CWC25: variants seen among roughly 807,000 people sequenced by gnomAD.
The protein encoded by CWC25 is pre-mRNA-splicing factor CWC25 homolog.
In CWC25, 31 loss-of-function variants were observed where a neutral mutation model predicts 54.6. The observed-to-expected ratio is 0.57, with a 90% confidence interval of 0.43 to 0.77. CWC25 has a LOEUF of 0.77. Among genes scored for constraint, CWC25 ranks in the 30% least tolerant of loss-of-function variants. The pLI, the probability that CWC25 is intolerant of heterozygous loss-of-function variation, is 0.00. For synonymous variants in CWC25, 151 were observed against 187.0 expected (o/e 0.81, Z 1.57); for missense variants, 453 against 529.3 (o/e 0.86, Z 1.41).
Position 38,814,862 on chromosome 17 carries a change from T to G in CWC25, c.427A>C (p.Arg143=). 5 of 1,609,868 alleles carry G rather than the reference T, an allele frequency of 3.1e-6. No individual in the cohort carries two copies. Among genetic ancestry groups the G allele is most frequent in the Non-Finnish European group, 8.5e-7 (1 of 1,178,242 alleles). Residue 143 remains arginine, a splice_region_variant and synonymous_variant, in exon 3 of 10, where the codon AGG becomes CGG. Coordinates refer to ENST00000614790, the MANE Select transcript of CWC25 (RefSeq NM_017748.5). ...CCCTTCCTAGCCCCCCATTAGTACC[T>G]GATGATGAAGAGTGGGTCCTCCCGG... is the stretch of plus-strand genomic sequence containing the variant. The part of the protein sequence containing the change: ...KIREDPLFII[R]KKEEEKKREV...
At chr17:38,809,638 C>T (rs1911404071) in intron 6 of CWC25, 64 bp downstream of exon 6, 1 of 1,514,018 alleles carries the variant, frequency 6.6e-7, no homozygotes, top group Non-Finnish European at 9.1e-7. Flanking sequence ...CTGCTATCCA[C>T]ATTGTCCAAG....
chr17:38,806,475 A>C, intron 7 of CWC25, 80 bp from the exon 8 acceptor site: 1 of 1,181,670 alleles, frequency 8.5e-7, no homozygotes, highest in Non-Finnish European at 1.2e-6. Flanking sequence ...ACAATGCAAG[A>C]TGAGCTAATG....
chr17:38,823,118 G>A (rs1269063052), intron 1 of CWC25, among the ~76,000 whole-genome samples: 5 of 148,456 alleles, frequency 3.4e-5, no homozygotes, highest in Non-Finnish European at 7.4e-5. Flanking sequence ...GATTACAGGT[G>A]TGAGCCACCA....
intron 8 of CWC25, 36 bp downstream of exon 8, chr17:38,806,261 G>A (rs1163332853): frequency 5.8e-6 from 9 of 1,551,860 alleles, no homozygotes; most frequent in Non-Finnish European, 8.8e-7. Flanking sequence ...ATTCAGGCCT[G>A]CAAAATGTGG....
rs561817536 is a variant in CWC25 at position 38,817,836 on chromosome 17, C to T, written c.192-2739G>A. Among the ~76,000 whole-genome samples the T allele has an allele frequency of 1.4e-4, 21 of 149,672 alleles. No individual in the cohort carries two copies. In the South Asian group the frequency reaches 3.8e-3, roughly 27 times the overall value. Reference sequence around the variant, plus strand: ...TAATAATTAGCCAGGCGTGGTGGCACACGCCTGTAATCCCAGCTACTCAGC... The same window carrying T: ...TAATAATTAGCCAGGCGTGGTGGCATACGCCTGTAATCCCAGCTACTCAGC... On this transcript the variant is annotated intron_variant, in intron 2 of 9. Coordinates refer to ENST00000614790, the MANE Select transcript of CWC25 (RefSeq NM_017748.5).
chr17:38,802,135 T>G lies in CWC25; in HGVS notation c.1235A>C (p.Gln412Pro), dbSNP rs1017698945. Residue 412 changes from glutamine (Q) to proline (P), a missense_variant, in exon 10 of 10, where the codon CAG (glutamine) becomes CCG (proline). Coordinates refer to ENST00000614790, the MANE Select transcript of CWC25 (RefSeq NM_017748.5). ...DRVKRNIYSL[Q>P]RTSVALEKNF... ...CTTCTCCAGAGCTACCGAAGTTCTC[T>G]GTAAAGAGTAGATATTCCGCTTCAC... 4 of 1,613,790 alleles carry G rather than the reference T, an allele frequency of 2.5e-6. No homozygotes were observed. Among genetic ancestry groups the G allele is most frequent in the Non-Finnish European group, 3.4e-6 (4 of 1,179,718 alleles).
At chr17:38,821,527 A>C (rs1056786110) in intron 1 of CWC25, among the ~76,000 whole-genome samples, 2 of 152,118 alleles carry the variant, frequency 1.3e-5, no homozygotes, top group Admixed American at 6.6e-5. Flanking sequence ...CTGCTGCACT[A>C]CAGCCTGGGC....
chr17:38,821,159 T>A (rs74813210), intron 1 of CWC25, 86 bp from the exon 2 acceptor site: 26 of 1,386,794 alleles, frequency 1.9e-5, no homozygotes, highest in Non-Finnish European at 2.5e-5. Flanking sequence ...CACCCTTCCA[T>A]ACCCAAGGCA....
intron 2 of CWC25, chr17:38,815,519 T>G: frequency 1.9e-6 from 1 of 518,258 alleles, no homozygotes; most frequent in Non-Finnish European, 3.5e-6. Flanking sequence ...GCCACTGCAC[T>G]CCAGCCTGGG....
chr17:38,807,884 C>CT (rs1340233495), intron 6 of CWC25, among the ~76,000 whole-genome samples: 1 of 136,736 alleles, frequency 7.3e-6, no homozygotes, highest in Non-Finnish European at 1.6e-5. Flanking sequence ...TGGTGAAACA[C>CT]TGTCTCTACT....
At position 38,812,903 on chromosome 17, in the gene CWC25, T is replaced by C. The variant is rs982980797; in HGVS notation, c.429-39A>G. 10 of 1,159,266 alleles carry C rather than the reference T, an allele frequency of 8.6e-6. No homozygotes were observed. The African/African-American group carries it at 1.5e-4, about 18-fold the overall frequency. 71.8% of individuals were successfully genotyped at this position (1,159,266 alleles called of 1,614,324 possible). A position where few individuals can be genotyped will look rare whatever the true frequency, so the allele number is the denominator to read the frequency against. ...ATTACAAAATTCATGACTATTTCTTTTCTCCAAATTCTATGGAGTAACCTT... is the reference window on the plus strand; with the variant it reads ...ATTACAAAATTCATGACTATTTCTTCTCTCCAAATTCTATGGAGTAACCTT... On this transcript the variant is annotated intron_variant, in intron 3 of 9. Transcript: ENST00000614790.
chr17:38,810,113 A>G (rs1468920632), intron 5 of CWC25, among the ~76,000 whole-genome samples: 1 of 152,130 alleles, frequency 6.6e-6, no homozygotes, highest in African/African-American at 2.4e-5. Flanking sequence ...CCATCAGTCC[A>G]TTAAAAAAAG....
intron 2 of CWC25, among the ~76,000 whole-genome samples, chr17:38,819,571 C>T (rs1304769761): frequency 6.6e-6 from 1 of 151,052 alleles, no homozygotes; most frequent in South Asian, 2.1e-4. Flanking sequence ...GGGGTTTCAC[C>T]GTGTTGGCCA....
Position 38,825,168 on chromosome 17 carries a change from G to T in CWC25, c.16C>A (p.Leu6Met). Residue 6 changes from leucine (L) to methionine (M), a missense_variant and splice_region_variant, in exon 1 of 10, where the codon CTG (leucine) becomes ATG (methionine). Physicochemically the swap from Leu to Met is conservative, Grantham distance 15. This residue lies in a region of CWC25 where 9 missense variants were observed against 30.1 expected (regional missense o/e 0.30). Transcript: ENST00000614790. Reference protein sequence around the residue: MGGGDLNLKKSWHPQT... With the variant: MGGGDMNLKKSWHPQT... ...CGCCCAGGCCTCCCTCCACTCACCA[G>T]GTCTCCGCCCCCCATGACGGTGGAG... is the stretch of plus-strand genomic sequence containing the variant. 1.3e-6 allele frequency: 2 copies of T among 1,564,540 alleles called. No individual in the cohort carries two copies. The highest frequency in any genetic ancestry group is 1.7e-6 in the Non-Finnish European group (2 of 1,156,046).
Position 38,821,014 on chromosome 17 carries a change from G to T in CWC25, c.78C>A (p.Ala26=). 6.2e-7 allele frequency: 1 copy of T among 1,613,826 alleles called. No individual in the cohort carries two copies. The highest frequency in any genetic ancestry group is 8.5e-7 in the Non-Finnish European group (1 of 1,179,874). The change falls in exon 2 of 10, where the codon GCC becomes GCA. Residue 26 remains alanine, a synonymous_variant. Transcript: ENST00000614790. ...TCCGCTCAGCCTCATGCTTCTGCTC[G>T]GCCTTCCACACTTTCTCCACATTCC... ...TLRNVEKVWK[A]EQKHEAERKK... is the part of the protein sequence containing the mutation.
At chr17:38,811,268 T>C (rs569045628) in intron 4 of CWC25, among the ~76,000 whole-genome samples, 1 of 147,810 alleles carries the variant, frequency 6.8e-6, no homozygotes, top group Non-Finnish European at 1.5e-5. Flanking sequence ...GCGGGGTGGC[T>C]CATACCTGTA....
At chr17:38,814,255 G>GTATT (rs946483929) in intron 3 of CWC25, among the ~76,000 whole-genome samples, 12 of 151,542 alleles carry the variant, frequency 7.9e-5, no homozygotes, top group Admixed American at 5.9e-4. Flanking sequence ...CACTTTGACT[G>GTATT]TATTTATTTA....
rs1322148937 is a variant in CWC25, at chr17:38,801,146, T to C, written c.*946A>G. The C allele has an allele frequency of 1.3e-5, 2 of 152,084 alleles. No individual in the cohort carries two copies. The highest frequency in any genetic ancestry group is 2.9e-5 in the Non-Finnish European group (2 of 68,024). The allele number at this position is 152,084 out of a possible 1,614,324, so 9.4% of individuals were successfully genotyped here. ...GACTAGCAAACAACTCCTGAAAATCTGTAATTGTAGTAAGGTTACTACACG... is the reference window on the plus strand; with the variant it reads ...GACTAGCAAACAACTCCTGAAAATCCGTAATTGTAGTAAGGTTACTACACG... On this transcript the variant is annotated 3_prime_UTR_variant, in exon 10 of 10. Coordinates refer to ENST00000614790, the MANE Select transcript of CWC25 (RefSeq NM_017748.5).
chr17:38,815,178 G>T (rs1033092845), intron 2 of CWC25, 81 bp from the exon 3 acceptor site: 3 of 1,247,890 alleles, frequency 2.4e-6, no homozygotes, highest in East Asian at 4.6e-5. Flanking sequence ...CTGGACACAA[G>T]GGAGAGAGAA....
Sources: gnomAD v4.1 joint callset for allele counts (sites outside exome capture counted in the v4.1 genomes callset) on GRCh38, gnomAD v4.1.1 for gene constraint, gnomAD v4.1.1 regional missense constraint, MANE v1.5 for transcripts, NCBI Gene and HGNC (gene_info 2026-07-23, HGNC 2026-07-21) for gene names.